SLC24A2: variants seen among roughly 807,000 people sequenced by gnomAD.
The protein encoded by SLC24A2 is sodium/potassium/calcium exchanger 2.
A neutral mutation model predicts 62.0 loss-of-function variants in SLC24A2; 36 were observed. That is an observed-to-expected ratio of 0.58 (90% CI 0.44 to 0.77). The LOEUF is 0.77. Among genes scored for constraint, SLC24A2 ranks in the 30% least tolerant of loss-of-function variants. The probability of loss-of-function intolerance (pLI) is 0.00; values close to 1 mark genes in which losing one functional copy is unlikely to be tolerated. For synonymous variants in SLC24A2, 358 were observed against 294.0 expected (o/e 1.22, Z -2.23); for missense variants, 846 against 817.9 (o/e 1.03, Z -0.42).
chr9:19,518,343 G>A (rs888478513), intron 10 of SLC24A2, among the ~76,000 whole-genome samples: 3 of 151,672 alleles, frequency 2.0e-5, no homozygotes, highest in African/African-American at 7.3e-5. Flanking sequence ...TCAATCATGT[G>A]AAATACACAA....
At chr9:20,141,261 T>C in the SLC24A2 span, among the ~76,000 whole-genome samples, 7 of 152,052 alleles carry the variant, frequency 4.6e-5, no homozygotes, top group Non-Finnish European at 1.0e-4. Flanking sequence ...CTTTCCTCTA[T>C]CTCTTCCATG....
chr9:19,806,603 A>T, the SLC24A2 span, among the ~76,000 whole-genome samples: 1 of 152,166 alleles, frequency 6.6e-6, no homozygotes, highest in African/African-American at 2.4e-5. Flanking sequence ...AGATCTTCTG[A>T]GCTATCTGAT....
At chr9:19,537,060 T>G (rs1158253092) in intron 8 of SLC24A2, among the ~76,000 whole-genome samples, 1 of 150,874 alleles carries the variant, frequency 6.6e-6, no homozygotes, top group Non-Finnish European at 1.5e-5. Flanking sequence ...TTTGTTTTTT[T>G]CTTGTAAATT....
chr9:20,301,069 C>G, the SLC24A2 span, among the ~76,000 whole-genome samples: 203 of 152,320 alleles, frequency 1.3e-3, 1 homozygote, highest in African/African-American at 4.7e-3. Flanking sequence ...GGAGCTCTTC[C>G]TCTACCTCTT....
At chr9:19,540,639 T>A (rs947253065) in intron 8 of SLC24A2, among the ~76,000 whole-genome samples, 2 of 145,432 alleles carry the variant, frequency 1.4e-5, no homozygotes, top group African/African-American at 5.3e-5. Context: ...GCCCTTAACA[T>A]TTTTTCCTTC....
At chr9:19,996,245 A>G in the SLC24A2 span, among the ~76,000 whole-genome samples, 1 of 152,178 alleles carries the variant, frequency 6.6e-6, no homozygotes, top group Non-Finnish European at 1.5e-5. Flanking sequence ...TGCTTCACCA[A>G]CTTTTCTATT....
At chr9:19,656,603 CTA>C (rs1394420442) in intron 2 of SLC24A2, among the ~76,000 whole-genome samples, 4 of 152,106 alleles carry the variant, frequency 2.6e-5, no homozygotes, top group African/African-American at 7.2e-5. Context: ...TGGAAAATTC[CTA>C]TGTTTTTATC....
rs1439922754 is a variant in SLC24A2 at position 19,511,272 on chromosome 9, T to A, written c.*4881A>T. 6.6e-6 allele frequency: 1 copy of A among 152,084 alleles called. No homozygotes were observed. The highest frequency in any genetic ancestry group is 1.5e-5 in the Non-Finnish European group (1 of 68,034). The allele number at this position is 152,084 out of a possible 1,614,324, so 9.4% of individuals were successfully genotyped here. A position where few individuals can be genotyped will look rare whatever the true frequency, so the allele number is the denominator to read the frequency against. On this transcript the variant is annotated 3_prime_UTR_variant, in exon 11 of 11. Coordinates refer to ENST00000341998, the MANE Select transcript of SLC24A2 (RefSeq NM_020344.4). ...TTTAAAAAATATGAAGCTCTGAGATTAAAAATGAAACGCAAAGACAGAGGC... is the reference window on the plus strand; with the variant it reads ...TTTAAAAAATATGAAGCTCTGAGATAAAAAATGAAACGCAAAGACAGAGGC...
At chr9:19,784,274 C>A (rs1300315979) in intron 2 of SLC24A2, among the ~76,000 whole-genome samples, 1 of 152,096 alleles carries the variant, frequency 6.6e-6, no homozygotes, top group Non-Finnish European at 1.5e-5. Context: ...CATCTTCCAC[C>A]CCACTAAAAT....
At chr9:19,994,640 C>A in the SLC24A2 span, among the ~76,000 whole-genome samples, 1 of 152,126 alleles carries the variant, frequency 6.6e-6, no homozygotes, top group African/African-American at 2.4e-5. Flanking sequence ...AGGGAATGCC[C>A]AAGTTGGCAA....
chr9:19,541,892 G>T (rs1216495143), intron 8 of SLC24A2, among the ~76,000 whole-genome samples: 2 of 152,116 alleles, frequency 1.3e-5, no homozygotes. Flanking sequence ...AGCCAGGTGT[G>T]GGATATAGTC....
chr9:19,992,788 A>C, the SLC24A2 span, among the ~76,000 whole-genome samples: 1 of 152,234 alleles, frequency 6.6e-6, no homozygotes, highest in African/African-American at 2.4e-5. Context: ...TTCTCTGATC[A>C]TACAGTAAAT....
the SLC24A2 span, among the ~76,000 whole-genome samples, chr9:19,974,863 AG>A: frequency 6.6e-6 from 1 of 152,326 alleles, no homozygotes; most frequent in African/African-American, 2.4e-5. Flanking sequence ...ATTATTTCGT[AG>A]GATGCTTTTG....
intron 2 of SLC24A2, among the ~76,000 whole-genome samples, chr9:19,673,605 T>C (rs912054177): frequency 2.0e-5 from 3 of 152,158 alleles, no homozygotes; most frequent in African/African-American, 7.2e-5. Context: ...TGCACCACCA[T>C]GCCCAGCTAA....
chr9:19,764,954 C>T (rs866346225), intron 2 of SLC24A2, among the ~76,000 whole-genome samples: 3 of 152,168 alleles, frequency 2.0e-5, no homozygotes, highest in Non-Finnish European at 4.4e-5. Flanking sequence ...TCTCTAATAA[C>T]TTGCTTTATG....
chr9:19,598,442 C>A (rs1020530760), intron 4 of SLC24A2, among the ~76,000 whole-genome samples: 1 of 152,170 alleles, frequency 6.6e-6, no homozygotes, highest in African/African-American at 2.4e-5. Context: ...ATCATTTACA[C>A]ATTTTTTCAT....
At chr9:20,197,123 A>C in the SLC24A2 span, among the ~76,000 whole-genome samples, 1 of 152,172 alleles carries the variant, frequency 6.6e-6, no homozygotes, top group Non-Finnish European at 1.5e-5. Context: ...AGTAAATAAT[A>C]CTGGAATGAA....
At chr9:19,530,950 A>C (rs1204179874) in intron 8 of SLC24A2, among the ~76,000 whole-genome samples, 4 of 152,122 alleles carry the variant, frequency 2.6e-5, no homozygotes, top group African/African-American at 9.7e-5. Context: ...ACTCTTTCCT[A>C]AAGAAAAACA....
At chr9:20,273,921 T>A in the SLC24A2 span, among the ~76,000 whole-genome samples, 50,933 of 152,072 alleles carry the variant, frequency 0.33, 8,694 homozygotes, top group South Asian at 0.43. Context: ...ATTTAAATAA[T>A]TCTGTTAGGC....
Sources: allele counts gnomAD v4.1 joint callset (sites outside exome capture counted in the v4.1 genomes callset), GRCh38; gene constraint gnomAD v4.1.1; transcripts MANE v1.5; gene names NCBI Gene and HGNC (gene_info 2026-07-23, HGNC 2026-07-21).